PLBD1: variants seen among roughly 807,000 people sequenced by gnomAD.
The protein encoded by PLBD1 is lysosomal leucine aminopeptidase.
PLBD1 carries 60 observed loss-of-function variants against 63.0 expected under a neutral mutation model. That is an observed-to-expected ratio of 0.95 (90% CI 0.77 to 1.18). The LOEUF is 1.18. Among genes scored for constraint, PLBD1 ranks in the 50% most tolerant of loss-of-function variants. PLBD1 has a pLI of 0.00. For missense variants in PLBD1, 598 were observed against 677.9 expected (o/e 0.88, Z 1.31); for synonymous variants, 262 against 248.0 (o/e 1.06, Z -0.53).
At chr12:14,542,136 T>G (rs1945577268) in intron 3 of PLBD1, 72 bp downstream of exon 3, 1 of 1,323,050 alleles carries the variant, frequency 7.6e-7, no homozygotes, top group Admixed American at 1.8e-5. Context: ...GGCAAAAAAT[T>G]GCTGCTTGAA....
chr12:14,531,398 C>T (rs768107141), intron 6 of PLBD1, among the ~76,000 whole-genome samples: 21 of 152,126 alleles, frequency 1.4e-4, no homozygotes, highest in Non-Finnish European at 2.2e-4. Context: ...AATGACTTTG[C>T]GACATCTACC....
intron 1 of PLBD1, among the ~76,000 whole-genome samples, chr12:14,562,664 T>C (rs1592012078): frequency 6.6e-6 from 1 of 152,212 alleles, no homozygotes; most frequent in Non-Finnish European, 1.5e-5. Flanking sequence ...TCAAGCTGGA[T>C]GTTCGAAAGA....
chr12:14,552,017 T>C (rs1355577963), intron 2 of PLBD1, among the ~76,000 whole-genome samples: 1 of 152,148 alleles, frequency 6.6e-6, no homozygotes, highest in African/African-American at 2.4e-5. Context: ...AAACAAAAAT[T>C]TGTAGTTTGT....
chr12:14,535,048 T>A (rs1035061484), intron 6 of PLBD1, among the ~76,000 whole-genome samples: 2 of 152,194 alleles, frequency 1.3e-5, no homozygotes, highest in Non-Finnish European at 2.9e-5. Flanking sequence ...TCCCCAACAA[T>A]CAGATGTGAG....
chr12:14,531,982 A>G (rs1945467634), intron 6 of PLBD1, among the ~76,000 whole-genome samples: 1 of 152,346 alleles, frequency 6.6e-6, no homozygotes, highest in African/African-American at 2.4e-5. Flanking sequence ...ATAAAAGAAC[A>G]GGCTAAAAGC....
chr12:14,515,140 A>T (rs1945328508), intron 6 of PLBD1, among the ~76,000 whole-genome samples: 1 of 152,222 alleles, frequency 6.6e-6, no homozygotes, highest in African/African-American at 2.4e-5. Context: ...TACTCAACAC[A>T]CACCATGGAA....
At chr12:14,508,599 C>A (rs1429058084) in intron 8 of PLBD1, among the ~76,000 whole-genome samples, 1 of 151,850 alleles carries the variant, frequency 6.6e-6, no homozygotes, top group Non-Finnish European at 1.5e-5. Context: ...CAAGACCCTG[C>A]CTCCACTAAA....
intron 1 of PLBD1, among the ~76,000 whole-genome samples, chr12:14,557,820 T>C (rs747215904): frequency 2.6e-5 from 4 of 152,030 alleles, no homozygotes; most frequent in Non-Finnish European, 5.9e-5. Flanking sequence ...CATGTATCCC[T>C]GAACTTAAAA....
At chr12:14,537,585 G>A (rs1184882896) in intron 4 of PLBD1, among the ~76,000 whole-genome samples, 3 of 152,180 alleles carry the variant, frequency 2.0e-5, no homozygotes, top group African/African-American at 7.2e-5. Flanking sequence ...CATTGACTTT[G>A]AAGCAATTAT....
At chr12:14,549,629 C>A (rs1376187431) in intron 2 of PLBD1, among the ~76,000 whole-genome samples, 1 of 152,134 alleles carries the variant, frequency 6.6e-6, no homozygotes, top group Non-Finnish European at 1.5e-5. Flanking sequence ...AACCCACCGT[C>A]CTTCGATTGT....
chr12:14,542,372 G>C (rs765732989), intron 2 of PLBD1, 81 bp from the exon 3 acceptor site: 1 of 1,096,034 alleles, frequency 9.1e-7, no homozygotes, highest in Non-Finnish European at 1.4e-6. Context: ...CAATCATTTG[G>C]CTAACTAGGA....
intron 6 of PLBD1, among the ~76,000 whole-genome samples, chr12:14,512,444 G>A (rs952500979): frequency 2.0e-5 from 3 of 152,026 alleles, no homozygotes; most frequent in African/African-American, 4.8e-5. Context: ...CACCACACCC[G>A]GCTAAGTCTA....
At chr12:14,546,742 C>T (rs1286456980) in intron 2 of PLBD1, among the ~76,000 whole-genome samples, 2 of 152,132 alleles carry the variant, frequency 1.3e-5, no homozygotes, top group South Asian at 2.1e-4. Context: ...ATGGGAAAAT[C>T]CTTAAACAGA....
chr12:14,551,723 C>G (rs974134045), intron 2 of PLBD1, among the ~76,000 whole-genome samples: 4 of 152,046 alleles, frequency 2.6e-5, no homozygotes, highest in African/African-American at 9.7e-5. Flanking sequence ...CATTAATAAC[C>G]CACTGTATAT....
In PLBD1 at chr12:14,507,091, A is replaced by G. The variant is rs764827019; in HGVS notation, c.1214T>C (p.Phe405Ser). 6.2e-7 allele frequency: 1 copy of G among 1,612,190 alleles called. No homozygotes were observed. Among genetic ancestry groups the G allele is most frequent in the Non-Finnish European group, 8.5e-7 (1 of 1,178,528 alleles). The change falls in exon 9 of 11, where the codon TTC becomes TCC. Residue 405 changes from phenylalanine (F) to serine (S), a missense_variant. Transcript: ENST00000240617. ...KGYWPSYNVP[F>S]HEKIYNWSGY... ...ACTCCAGTTGTAGATTTTTTCATGGAAAGGAACATTGTAGGAGGGCCAATA... is the reference window on the plus strand; with the variant it reads ...ACTCCAGTTGTAGATTTTTTCATGGGAAGGAACATTGTAGGAGGGCCAATA...
At chr12:14,556,190 C>G (rs970906031) in intron 1 of PLBD1, among the ~76,000 whole-genome samples, 2 of 152,138 alleles carry the variant, frequency 1.3e-5, no homozygotes, top group African/African-American at 4.8e-5. Context: ...TAGGCTGAGA[C>G]TCAGTGGATG....
At chr12:14,532,331 C>G (rs562211092) in intron 6 of PLBD1, among the ~76,000 whole-genome samples, 1 of 152,180 alleles carries the variant, frequency 6.6e-6, no homozygotes. Flanking sequence ...AAGGACTGAC[C>G]GACACATGGT....
chr12:14,519,274 C>A (rs1276507346), intron 6 of PLBD1, among the ~76,000 whole-genome samples: 3 of 152,066 alleles, frequency 2.0e-5, no homozygotes. Flanking sequence ...TAATTAAGGT[C>A]AACTGAGGTC....
At chr12:14,505,188 T>G (rs1945243808) in intron 10 of PLBD1, among the ~76,000 whole-genome samples, 1 of 151,516 alleles carries the variant, frequency 6.6e-6, no homozygotes. Flanking sequence ...AAAAAGAAGG[T>G]TGAGCTGGAA....
Sources: gnomAD v4.1 joint callset for allele counts (sites outside exome capture counted in the v4.1 genomes callset) on GRCh38, gnomAD v4.1.1 for gene constraint, MANE v1.5 for transcripts, NCBI Gene and HGNC (gene_info 2026-07-23, HGNC 2026-07-21) for gene names.